The following CTNNA2 variants were observed in gnomAD, a reference collection of about 807,000 sequenced individuals.
CTNNA2 encodes the protein catenin alpha 2.
Under a neutral mutation model 101.0 loss-of-function variants are expected in CTNNA2, and 42 were observed. The observed-to-expected ratio is 0.42, with a 90% CI of 0.32 to 0.54. CTNNA2 has a LOEUF of 0.54. CTNNA2 is among the 20% of genes least tolerant of loss of function. CTNNA2 has a pLI of 0.14. For synonymous variants in CTNNA2, 450 were observed against 456.4 expected, an observed-to-expected ratio of 0.99 and a Z score of 0.18; for missense variants, 871 against 1,223.1, an observed-to-expected ratio of 0.71 and a Z score of 4.29.
chr2:79,718,470 C>G (rs1015388893), intron 2 of CTNNA2, among the ~76,000 whole-genome samples: 6 of 152,168 alleles, frequency 3.9e-5, no homozygotes, highest in Non-Finnish European at 8.8e-5. Context: ...CTGCTCCCCA[C>G]TTTATTCCAC....
At chr2:79,245,098 G>GAA (rs111503363) in intron 2 of CTNNA2, among the ~76,000 whole-genome samples, 49 of 123,296 alleles carry the variant, frequency 4.0e-4, no homozygotes, top group Admixed American at 1.2e-3. Context: ...TCCATCTCAA[G>GAA]AAAAAAAAAA....
In CTNNA2 at chr2:79,549,736, G is replaced by GT. The variant is rs371484361; in HGVS notation, c.-6+36535dup. Reference sequence around the variant, plus strand: ...TACTGTCATCTGTCAGGACTCATCTGTTTTTTGTAGTGCCAGATGGTGTAT... The same window carrying GT: ...TACTGTCATCTGTCAGGACTCATCTGTTTTTTTGTAGTGCCAGATGGTGTAT... On this transcript the variant is annotated intron_variant, in intron 1 of 18. Transcript: ENST00000402739. Among the ~76,000 whole-genome samples, 150 of 152,272 alleles carry GT rather than the reference G, an allele frequency of 9.9e-4. 1 individual carries two copies. The highest frequency in any genetic ancestry group is 3.0e-3 in the African/African-American group (126 of 41,568).
intron 7 of CTNNA2, among the ~76,000 whole-genome samples, chr2:80,036,823 TTGTGTG>T (rs1213433697): frequency 4.5e-5 from 6 of 134,722 alleles, no homozygotes; most frequent in African/African-American, 1.7e-4. Context: ...GTGTGTGTGT[TTGTGTG>T]TGTGTGTGTG....
At chr2:79,776,121 T>G (rs1051218334) in intron 3 of CTNNA2, among the ~76,000 whole-genome samples, 1 of 152,222 alleles carries the variant, frequency 6.6e-6, no homozygotes, top group Non-Finnish European at 1.5e-5. Flanking sequence ...TGGCACAGTT[T>G]AATGAAGACC....
intron 7 of CTNNA2, among the ~76,000 whole-genome samples, chr2:80,065,604 G>A (rs897629518): frequency 7.2e-5 from 11 of 151,920 alleles, no homozygotes; most frequent in South Asian, 2.1e-4. Flanking sequence ...TGCCCGCCTC[G>A]GCCTCCCAAA....
chr2:80,152,925 C>G (rs1703793844), intron 7 of CTNNA2, among the ~76,000 whole-genome samples: 1 of 152,148 alleles, frequency 6.6e-6, no homozygotes, highest in Admixed American at 6.5e-5. Context: ...CCTGCACCTT[C>G]CCTTCAAGAA....
chr2:80,167,253 T>C (rs1304150228), intron 7 of CTNNA2, among the ~76,000 whole-genome samples: 3 of 152,200 alleles, frequency 2.0e-5, no homozygotes, highest in Non-Finnish European at 4.4e-5. Context: ...AGTTCAAATA[T>C]ATTTTTCTTG....
At chr2:79,874,859 G>A (rs1403143299) in intron 6 of CTNNA2, among the ~76,000 whole-genome samples, 1 of 152,156 alleles carries the variant, frequency 6.6e-6, no homozygotes. Flanking sequence ...TCCCTTCCAG[G>A]TAGATGAGAT....
chr2:79,910,205 C>T (rs12172883), intron 7 of CTNNA2, among the ~76,000 whole-genome samples: 18,094 of 152,122 alleles, frequency 0.12, 1,304 homozygotes, highest in Middle Eastern at 0.17. Context: ...ATCTTCACCC[C>T]TAAGAGGCAT....
rs189266307 is a variant in CTNNA2, at chr2:80,352,830, C to A, written c.1057-40381C>A. Among the ~76,000 whole-genome samples the A allele has an allele frequency of 5.4e-3, 813 of 151,762 alleles. 5 individuals carry two copies. The highest frequency in any genetic ancestry group is 9.8e-3 in the South Asian group (47 of 4,806). On this transcript the variant is annotated intron_variant, in intron 7 of 18. Coordinates refer to ENST00000402739, the MANE Select transcript of CTNNA2 (RefSeq NM_001282597.3). ...TGATTCCATTTTATGGAATACCAGG[C>A]AATGAAGATATTTTTAACTTCTTCC...
intron 1 of CTNNA2, chr2:79,634,592 T>C (rs1679895353): frequency 6.6e-6 from 1 of 151,832 alleles, no homozygotes; most frequent in South Asian, 2.1e-4. Context: ...TAAAGTAGAG[T>C]GAGATTTATG....
chr2:79,256,385 T>C (rs929501553), intron 2 of CTNNA2, among the ~76,000 whole-genome samples: 1 of 152,192 alleles, frequency 6.6e-6, no homozygotes, highest in African/African-American at 2.4e-5. Flanking sequence ...TCAGGGGCTG[T>C]CCATCATTTA....
intron 3 of CTNNA2, among the ~76,000 whole-genome samples, chr2:79,755,277 G>A (rs1672320799): frequency 6.6e-6 from 1 of 152,186 alleles, no homozygotes; most frequent in Non-Finnish European, 1.5e-5. Context: ...GCTACATTGA[G>A]CTATGATAGA....
chr2:80,023,527 C>T (rs1694719937), intron 7 of CTNNA2, among the ~76,000 whole-genome samples: 1 of 152,054 alleles, frequency 6.6e-6, no homozygotes, highest in Non-Finnish European at 1.5e-5. Flanking sequence ...CTACGAAAGA[C>T]AGAATGATTA....
intron 3 of CTNNA2, among the ~76,000 whole-genome samples, chr2:79,801,268 C>T: frequency 6.6e-6 from 1 of 152,186 alleles, no homozygotes. Flanking sequence ...GCAGCTAGCT[C>T]AGCTGCAGCC....
At chr2:79,703,719 AG>A (rs1370521601) in intron 2 of CTNNA2, among the ~76,000 whole-genome samples, 1 of 152,200 alleles carries the variant, frequency 6.6e-6, no homozygotes, top group Non-Finnish European at 1.5e-5. Flanking sequence ...CTTTTAATTT[AG>A]AGCAAATTTT....
chr2:79,845,774 C>G (rs1007154733), intron 3 of CTNNA2, among the ~76,000 whole-genome samples: 2 of 152,122 alleles, frequency 1.3e-5, no homozygotes, highest in Non-Finnish European at 2.9e-5. Context: ...GTTCATTACC[C>G]ATTGTCAGAT....
intron 7 of CTNNA2, among the ~76,000 whole-genome samples, chr2:79,988,161 A>G (rs748457319): frequency 1.3e-5 from 2 of 152,206 alleles, no homozygotes; most frequent in Non-Finnish European, 2.9e-5. Context: ...TGTACAGAAT[A>G]TGGCATCAAA....
chr2:79,806,682 C>G (rs1676602652), intron 3 of CTNNA2, among the ~76,000 whole-genome samples: 1 of 152,010 alleles, frequency 6.6e-6, no homozygotes, highest in Non-Finnish European at 1.5e-5. Flanking sequence ...GGCTTTGCCT[C>G]TTCCTCCGAG....
Sources: gnomAD v4.1 joint callset for allele counts (sites outside exome capture counted in the v4.1 genomes callset) on GRCh38, gnomAD v4.1.1 for gene constraint, MANE v1.5 for transcripts, NCBI Gene and HGNC (gene_info 2026-07-23, HGNC 2026-07-21) for gene names.